ABR: variants seen among roughly 807,000 people sequenced by gnomAD.
ABR encodes active breakpoint cluster region-related protein.
In ABR, 35 loss-of-function variants were observed where a neutral mutation model predicts 107.2. The ratio of observed to expected loss-of-function variants is 0.33; its 90% CI spans 0.25 to 0.43. The LOEUF is 0.43. Ranked by LOEUF, ABR falls within the 20% of genes least tolerant of loss-of-function variation. The pLI is 1.00. For synonymous variants in ABR, 498 were observed against 462.0 expected, an observed-to-expected ratio of 1.08 and a Z score of -1.00; for missense variants, 815 against 1,115.2, an observed-to-expected ratio of 0.73 and a Z score of 3.83.
chr17:1,096,754 A>AG (rs1290608073), intron 3 of ABR, among the ~76,000 whole-genome samples: 1 of 115,422 alleles, frequency 8.7e-6, no homozygotes, highest in African/African-American at 3.4e-5. Context: ...GAGCTGGGGA[A>AG]GGGGGGAACC....
chr17:1,204,903 T>C (rs1169956464), intron 1 of ABR, among the ~76,000 whole-genome samples: 13 of 131,058 alleles, frequency 9.9e-5, no homozygotes, highest in African/African-American at 4.1e-4. Context: ...TTCTTTTTCT[T>C]TTTTTTTTTT....
At chr17:1,034,411 T>C (rs1319611701) in intron 16 of ABR, among the ~76,000 whole-genome samples, 2 of 152,114 alleles carry the variant, frequency 1.3e-5, no homozygotes, top group African/African-American at 4.8e-5. Context: ...AGACAAGCAT[T>C]TGTGCATTTG....
chr17:1,206,700 T>A (rs192085362), intron 1 of ABR, among the ~76,000 whole-genome samples: 38 of 152,032 alleles, frequency 2.5e-4, no homozygotes, highest in African/African-American at 8.4e-4. Flanking sequence ...CTAGCCTGAG[T>A]TGGTCTGCAA....
intron 1 of ABR, among the ~76,000 whole-genome samples, chr17:1,222,359 G>A (rs1197815497): frequency 6.6e-5 from 10 of 152,074 alleles, no homozygotes; most frequent in African/African-American, 1.4e-4. Context: ...GTGAGCCACC[G>A]CGCCCGGCCT....
intron 2 of ABR, among the ~76,000 whole-genome samples, chr17:1,113,284 T>TTG (rs2038811090): frequency 7.3e-6 from 1 of 137,900 alleles, no homozygotes; most frequent in African/African-American, 2.7e-5. Flanking sequence ...TGCGATTTTT[T>TTG]TTTTTTTTTT....
intron 12 of ABR, 41 bp downstream of exon 12, chr17:1,057,929 C>A: frequency 6.4e-7 from 1 of 1,572,456 alleles, no homozygotes; most frequent in South Asian, 1.1e-5. Context: ...CCATCAATGC[C>A]ACGGACATCA....
chr17:1,058,136 C>T (rs878871322), intron 11 of ABR, 91 bp from the exon 12 acceptor site: 1,459 of 318,526 alleles, frequency 4.6e-3, no homozygotes, highest in Non-Finnish European at 6.6e-3. Context: ...CTCCTTTTAT[C>T]TTTTTTTTTT....
At chr17:1,017,464 CT>C (rs61229673) in intron 16 of ABR, among the ~76,000 whole-genome samples, 50,913 of 104,420 alleles carry the variant, frequency 0.49, 11,125 homozygotes, top group East Asian at 0.57. Context: ...GCCATGCCCT[CT>C]TTTTTTTTTT....
chr17:1,059,462 A>T (rs530712340), intron 10 of ABR, among the ~76,000 whole-genome samples: 157 of 152,304 alleles, frequency 1.0e-3, no homozygotes, highest in Non-Finnish European at 1.8e-3. Flanking sequence ...TGCTGCCTCT[A>T]CACATTAAAT....
chr17:1,032,742 C>T (rs148482327), intron 16 of ABR, among the ~76,000 whole-genome samples: 7 of 152,186 alleles, frequency 4.6e-5, no homozygotes, highest in Non-Finnish European at 8.8e-5. Flanking sequence ...ACACAAATTA[C>T]GTCTCAAGGT....
intron 11 of ABR, among the ~76,000 whole-genome samples, 158 bp downstream of exon 11, chr17:1,058,587 G>T (rs988528183): frequency 6.6e-6 from 1 of 152,196 alleles, no homozygotes; most frequent in East Asian, 1.9e-4. Context: ...CATTCCACAC[G>T]AGAGGGGAGA....
At chr17:1,095,445 C>T (rs1401971327) in intron 3 of ABR, among the ~76,000 whole-genome samples, 1 of 152,128 alleles carries the variant, frequency 6.6e-6, no homozygotes, top group East Asian at 1.9e-4. Flanking sequence ...CCCTCGAGGC[C>T]GTTATTTGTC....
intron 1 of ABR, among the ~76,000 whole-genome samples, chr17:1,198,028 G>A (rs905291095): frequency 6.6e-6 from 1 of 151,718 alleles, no homozygotes; most frequent in Non-Finnish European, 1.5e-5. Flanking sequence ...GTTCTTTGGG[G>A]GCCCTAAAGG....
intron 1 of ABR, among the ~76,000 whole-genome samples, chr17:1,170,440 T>C (rs2041665179): frequency 6.6e-6 from 1 of 152,084 alleles, no homozygotes; most frequent in Admixed American, 6.6e-5. Context: ...GTTTATGTAT[T>C]TATTTATTTA....
At chr17:1,083,734 C>T (rs2036414789) in intron 4 of ABR, 107 bp from the exon 5 acceptor site, 2 of 891,898 alleles carry the variant, frequency 2.2e-6, no homozygotes, top group East Asian at 4.9e-5. Flanking sequence ...GCACTGAAAA[C>T]CTCTCACTCA....
At chr17:1,098,217 T>C (rs917212799) in intron 3 of ABR, among the ~76,000 whole-genome samples, 1 of 151,774 alleles carries the variant, frequency 6.6e-6, no homozygotes, top group East Asian at 1.9e-4. Flanking sequence ...GGACTACAGG[T>C]GCTCGCCACC....
chr17:1,146,718 A>G (rs1242352356), intron 1 of ABR, among the ~76,000 whole-genome samples: 5 of 137,990 alleles, frequency 3.6e-5, no homozygotes, highest in Non-Finnish European at 7.7e-5. Context: ...CACTGCCACT[A>G]CTGCCACCAT....
chr17:1,177,514 C>T (rs2041957462), intron 1 of ABR, among the ~76,000 whole-genome samples: 1 of 152,188 alleles, frequency 6.6e-6, no homozygotes, highest in African/African-American at 2.4e-5. Flanking sequence ...CCTTTTCTGG[C>T]ATTCCTCTGG....
chr17:1,070,193 G>A lies in ABR; in HGVS notation c.895-103C>T. ...CCAGCCAGGGAGGACTGGACCGAGA[G>A]GCGGCATAGCCTGTCATCCCTTAAC... On this transcript the variant is annotated intron_variant, in intron 8 of 22. Coordinates refer to ENST00000302538, the MANE Select transcript of ABR (RefSeq NM_021962.5). The surrounding 1 kb of genome is among the most constrained non-coding windows in gnomAD (Gnocchi z 4.2). 1 of 1,486,466 alleles carries A rather than the reference G, an allele frequency of 6.7e-7. No individual in the cohort carries two copies. Among genetic ancestry groups the A allele is most frequent in the Non-Finnish European group, 9.2e-7 (1 of 1,092,122 alleles). 92.1% of individuals were successfully genotyped at this position (1,486,466 alleles called of 1,614,324 possible).
Sources: gnomAD v4.1 joint callset for allele counts (sites outside exome capture counted in the v4.1 genomes callset) on GRCh38, gnomAD v4.1.1 for gene constraint, Gnocchi (gnomAD v3.1) non-coding constraint, MANE v1.5 for transcripts, NCBI Gene and HGNC (gene_info 2026-07-23, HGNC 2026-07-21) for gene names.